Variants in GLDC observed in about 807,000 individuals in gnomAD.
GLDC encodes the protein glycine decarboxylase, also known as glycine dehydrogenase (decarboxylating), mitochondrial.
A neutral mutation model predicts 121.3 loss-of-function variants in GLDC; 104 were observed. The observed-to-expected ratio is 0.86, with a 90% CI of 0.73 to 1.01. GLDC has a LOEUF of 1.01. Ranked by LOEUF, GLDC falls within the 50% of genes least tolerant of loss-of-function variation. The pLI, the probability that GLDC is intolerant of heterozygous loss-of-function variation, is 0.00. For missense variants in GLDC, 1,429 were observed against 1,306.6 expected, an observed-to-expected ratio of 1.09 and a Z score of -1.44; for synonymous variants, 546 against 480.6, an observed-to-expected ratio of 1.14 and a Z score of -1.78.
intron 13 of GLDC, 76 bp downstream of exon 13, chr9:6,588,542 G>A (rs1818314451): frequency 4.2e-6 from 6 of 1,444,498 alleles, no homozygotes; most frequent in Non-Finnish European, 5.9e-6. Context: ...TGTTGCTCTT[G>A]GAGCATATTA....
intron 21 of GLDC, among the ~76,000 whole-genome samples, chr9:6,545,787 TC>T: frequency 6.6e-6 from 1 of 151,924 alleles, no homozygotes; most frequent in Non-Finnish European, 1.5e-5. Context: ...ATTACAGATG[TC>T]CACCACCATG....
intron 10 of GLDC, among the ~76,000 whole-genome samples, 198 bp downstream of exon 10, chr9:6,592,653 T>A (rs572288239): frequency 5.9e-5 from 9 of 152,284 alleles, no homozygotes; most frequent in African/African-American, 2.2e-4. Flanking sequence ...ACACTAAGTC[T>A]AAAAGAAAGC....
intron 21 of GLDC, among the ~76,000 whole-genome samples, chr9:6,548,189 T>C (rs554855300): frequency 6.6e-6 from 1 of 152,340 alleles, no homozygotes; most frequent in Admixed American, 6.5e-5. Context: ...CAGAAAATAT[T>C]AGTAATGGCT....
At chr9:6,562,568 AT>A (rs905522889) in intron 16 of GLDC, among the ~76,000 whole-genome samples, 4 of 151,626 alleles carry the variant, frequency 2.6e-5, no homozygotes, top group African/African-American at 7.3e-5. Flanking sequence ...ATTAAAAAAA[AT>A]TTTTTTTTGA....
At chr9:6,601,653 C>G (rs1189899181) in intron 8 of GLDC, among the ~76,000 whole-genome samples, 2 of 152,024 alleles carry the variant, frequency 1.3e-5, no homozygotes, top group Non-Finnish European at 2.9e-5. Context: ...GGGACAGAGT[C>G]TCCCTCTGTC....
At position 6,620,216 on chromosome 9, in the gene GLDC, C is replaced by T. The variant is rs13289273; in HGVS notation, c.438G>A (p.Thr146=). The change falls in exon 3 of 25, where the codon ACG becomes ACA. Residue 146 remains threonine, a synonymous_variant. Coordinates refer to ENST00000321612, the MANE Select transcript of GLDC (RefSeq NM_000170.3). ...MGYYNCSVPQ[T]ILRNLLENSG... ...AGTTCTCCAGTAAGTTCCGCAAAATCGTCTGTGGCACTGAGCAGTTATAAT... is the reference window on the plus strand; with the variant it reads ...AGTTCTCCAGTAAGTTCCGCAAAATTGTCTGTGGCACTGAGCAGTTATAAT... 0.083 allele frequency: 133,549 copies of T among 1,612,532 alleles called. 6,575 individuals carry two copies. Among genetic ancestry groups the T allele is most frequent in the Non-Finnish European group, 0.098 (116,099 of 1,178,916 alleles).
intron 17 of GLDC, among the ~76,000 whole-genome samples, chr9:6,556,741 C>G (rs1035090779): frequency 6.6e-6 from 1 of 151,352 alleles, no homozygotes; most frequent in Non-Finnish European, 1.5e-5. Context: ...TTGTAGTGAG[C>G]CAAGATCACA....
At chr9:6,618,260 G>GA (rs1186254802) in intron 3 of GLDC, among the ~76,000 whole-genome samples, 1 of 152,024 alleles carries the variant, frequency 6.6e-6, no homozygotes, top group Non-Finnish European at 1.5e-5. Context: ...AAAAAGATGG[G>GA]AAAAAAGAGC....
chr9:6,588,488 A>T (rs1351873537), intron 13 of GLDC, 46 bp from the exon 14 acceptor site: 6 of 1,533,968 alleles, frequency 3.9e-6, no homozygotes, highest in South Asian at 1.1e-5. Context: ...GATTTTCTAT[A>T]GTCCATCAAT....
chr9:6,644,660 A>G lies in GLDC; in HGVS notation c.288T>C (p.Pro96=), dbSNP rs1477281870. The G allele has an allele frequency of 1.2e-6, 2 of 1,613,524 alleles. No individual in the cohort carries two copies. The highest frequency in any genetic ancestry group is 1.3e-5 in the African/African-American group (1 of 74,920). ...SIDELIEKTV[P]ANIRLKRPLK... ...AGGGTCTTTTCAAACGGATGTTGGC[A>G]GGGACCGTCTTCTCGATCAATTCAT... The change falls in exon 2 of 25, where the codon CCT becomes CCC. Residue 96 remains proline, a synonymous_variant. Transcript: ENST00000321612.
At chr9:6,541,383 C>G (rs1008948023) in intron 21 of GLDC, 1 of 152,230 alleles carries the variant, frequency 6.6e-6, no homozygotes, top group African/African-American at 2.4e-5. Flanking sequence ...TCTTAACCCA[C>G]TTTCCTCACT....
chr9:6,546,649 T>C (rs1168549535), intron 21 of GLDC, among the ~76,000 whole-genome samples: 1 of 151,718 alleles, frequency 6.6e-6, no homozygotes, highest in Non-Finnish European at 1.5e-5. Flanking sequence ...TTTTTTACAG[T>C]AGAAGGAATA....
intron 2 of GLDC, chr9:6,639,668 A>AAAAAAAAATAT: frequency 4.0e-6 from 1 of 248,648 alleles, no homozygotes; most frequent in African/African-American, 5.3e-5. Context: ...ATAAAAAAAA[A>AAAAAAAAATAT]GTATATATAT....
chr9:6,535,412 G>A (rs1817105037), intron 23 of GLDC, among the ~76,000 whole-genome samples: 1 of 151,436 alleles, frequency 6.6e-6, no homozygotes, highest in Non-Finnish European at 1.5e-5. Context: ...CCTTCTGCAA[G>A]TCACTGGTCC....
chr9:6,607,413 G>C (rs1434663301), intron 4 of GLDC, among the ~76,000 whole-genome samples: 1 of 151,628 alleles, frequency 6.6e-6, no homozygotes, highest in Non-Finnish European at 1.5e-5. Context: ...CAAAACCCCA[G>C]CTCTACTAAA....
intron 8 of GLDC, among the ~76,000 whole-genome samples, chr9:6,599,738 CCAAAAAAA>C (rs1225405105): frequency 2.1e-5 from 3 of 144,446 alleles, no homozygotes; most frequent in African/African-American, 8.0e-5. Flanking sequence ...AAAAAAACAA[CCAAAAAAA>C]CAAATAAATA....
At chr9:6,632,517 G>C (rs1220418328) in intron 2 of GLDC, among the ~76,000 whole-genome samples, 1 of 152,214 alleles carries the variant, frequency 6.6e-6, no homozygotes, top group East Asian at 1.9e-4. Flanking sequence ...AAGCAAACTT[G>C]AGTCAAAATG....
At chr9:6,637,971 C>T (rs978339704) in intron 2 of GLDC, among the ~76,000 whole-genome samples, 1 of 151,052 alleles carries the variant, frequency 6.6e-6, no homozygotes. Context: ...TTACAGGTGT[C>T]AGCCTGTAAT....
At chr9:6,555,269 G>A (rs1225666748) in intron 18 of GLDC, among the ~76,000 whole-genome samples, 1 of 152,186 alleles carries the variant, frequency 6.6e-6, no homozygotes, top group African/African-American at 2.4e-5. Context: ...TGAACTGAGA[G>A]AGGGAAGGCA....
Sources: gnomAD v4.1 joint callset for allele counts (sites outside exome capture counted in the v4.1 genomes callset) on GRCh38, gnomAD v4.1.1 for gene constraint, MANE v1.5 for transcripts, NCBI Gene and HGNC (gene_info 2026-07-23, HGNC 2026-07-21) for gene names.